The following EPHA3 variants were observed in gnomAD, a reference collection of about 807,000 sequenced individuals.
EPHA3 encodes ephrin type-A receptor 3.
In EPHA3, 42 loss-of-function variants were observed where a neutral mutation model predicts 107.1. The observed-to-expected ratio is 0.39, with a 90% CI of 0.31 to 0.51. The LOEUF (loss-of-function observed/expected upper bound fraction) is 0.51, where lower values mean the gene tolerates loss of function less well. Ranked by LOEUF, EPHA3 falls within the 20% of genes least tolerant of loss-of-function variation. The pLI is 0.78. For missense variants in EPHA3, 1,183 were observed against 1,211.2 expected, an observed-to-expected ratio of 0.98 and a Z score of 0.35; for synonymous variants, 461 against 424.8, an observed-to-expected ratio of 1.09 and a Z score of -1.05.
chr3:89,241,650 C>T (rs1196440501), intron 3 of EPHA3, among the ~76,000 whole-genome samples: 1 of 151,932 alleles, frequency 6.6e-6, no homozygotes, highest in Non-Finnish European at 1.5e-5. Context: ...TTATTTTCTC[C>T]ATTTTAAAAA....
chr3:89,305,118 T>A lies in EPHA3; in HGVS notation c.815-35798T>A, dbSNP rs1474535516. 2.0e-5 allele frequency among the ~76,000 whole-genome samples: 3 copies of A among 152,212 alleles called. No individual in the cohort carries two copies. In the East Asian group the frequency reaches 5.8e-4, roughly 29 times the overall value. Reference sequence around the variant, plus strand: ...CCTGCATTCGGAATTGTTCCTATTGTTAAGGAATTCTCCATAGATACTTGC... The same window carrying A: ...CCTGCATTCGGAATTGTTCCTATTGATAAGGAATTCTCCATAGATACTTGC... On this transcript the variant is annotated intron_variant, in intron 3 of 16. Transcript: ENST00000336596.
chr3:89,345,585 T>A (rs1042995166), intron 5 of EPHA3, among the ~76,000 whole-genome samples: 4 of 150,324 alleles, frequency 2.7e-5, no homozygotes, highest in Non-Finnish European at 4.5e-5. Flanking sequence ...CTTTTCCTCC[T>A]GAACACTTCA....
chr3:89,467,044 T>A (rs576695025), intron 15 of EPHA3, among the ~76,000 whole-genome samples: 2 of 152,298 alleles, frequency 1.3e-5, no homozygotes, highest in South Asian at 2.1e-4. Flanking sequence ...GGGAACTGTA[T>A]ATATTCAAAA....
chr3:89,292,805 T>A (rs925926069), intron 3 of EPHA3, among the ~76,000 whole-genome samples: 1 of 152,180 alleles, frequency 6.6e-6, no homozygotes, highest in African/African-American at 2.4e-5. Context: ...TTGATTTGTG[T>A]ACATATTTAT....
intron 3 of EPHA3, among the ~76,000 whole-genome samples, chr3:89,296,530 A>T (rs895242844): frequency 6.6e-6 from 1 of 152,156 alleles, no homozygotes; most frequent in Non-Finnish European, 1.5e-5. Flanking sequence ...TAAGTAACCC[A>T]TGCTGTAAAC....
chr3:89,178,563 A>G (rs1260078626), intron 2 of EPHA3, among the ~76,000 whole-genome samples: 1 of 152,070 alleles, frequency 6.6e-6, no homozygotes, highest in Non-Finnish European at 1.5e-5. Context: ...TACTGTAGAT[A>G]GTACACTATC....
At chr3:89,161,819 G>T (rs1281164985) in intron 2 of EPHA3, among the ~76,000 whole-genome samples, 1 of 151,628 alleles carries the variant, frequency 6.6e-6, no homozygotes, top group African/African-American at 2.4e-5. Context: ...TCTATGAAAA[G>T]ATATAAAACA....
chr3:89,324,543 T>G (rs1707122407), intron 3 of EPHA3, among the ~76,000 whole-genome samples: 1 of 151,976 alleles, frequency 6.6e-6, no homozygotes, highest in African/African-American at 2.4e-5. Flanking sequence ...TATCCAGATT[T>G]ATTTTTTCTA....
intron 16 of EPHA3, among the ~76,000 whole-genome samples, chr3:89,474,375 C>T (rs1006570014): frequency 3.3e-5 from 5 of 152,132 alleles, no homozygotes; most frequent in African/African-American, 9.7e-5. Context: ...ACTTGGGTTT[C>T]TGTGGTACTT....
intron 15 of EPHA3, among the ~76,000 whole-genome samples, chr3:89,459,491 C>CTCCTTCCTTCTCTCCTTCCTTCCTTCCT (rs1710173773): frequency 8.7e-5 from 11 of 126,380 alleles, no homozygotes; most frequent in African/African-American, 3.5e-4. Context: ...CCTTCCTTCT[C>CTCCTTCCTTCTCTCCTTCCTTCCTTCCT]TCCTTCCTTC....
intron 3 of EPHA3, among the ~76,000 whole-genome samples, chr3:89,272,765 G>A (rs983837697): frequency 3.3e-5 from 5 of 151,924 alleles, no homozygotes; most frequent in Admixed American, 1.3e-4. Flanking sequence ...ATGTTTAAAA[G>A]TAACTATGGA....
chr3:89,455,152 A>C (rs977205972), intron 15 of EPHA3, among the ~76,000 whole-genome samples: 9 of 152,292 alleles, frequency 5.9e-5, no homozygotes, highest in Admixed American at 4.6e-4. Flanking sequence ...TTTTAAAATA[A>C]ATGGTGTTTT....
In EPHA3 at chr3:89,346,336, A is replaced by T. The variant is rs368709150; in HGVS notation, c.1306+4246A>T. Among the ~76,000 whole-genome samples the T allele has an allele frequency of 6.0e-5, 8 of 133,162 alleles. 1 individual carries two copies. Among genetic ancestry groups the T allele is most frequent in the East Asian group, 2.0e-4 (1 of 4,952 alleles). 87.4% of individuals were successfully genotyped at this position (133,162 alleles called of 152,430 possible). On this transcript the variant is annotated intron_variant, in intron 5 of 16. Coordinates refer to ENST00000336596, the MANE Select transcript of EPHA3 (RefSeq NM_005233.6). The stretch of plus-strand genomic sequence containing the variant: ...TAACTGGTGTGAGATGGTATCTCAT[A>T]GTGGTTTTGATTTGCATTTCTCTGA...
At chr3:89,282,010 A>G (rs926586602) in intron 3 of EPHA3, among the ~76,000 whole-genome samples, 1 of 152,222 alleles carries the variant, frequency 6.6e-6, no homozygotes, top group African/African-American at 2.4e-5. Context: ...GATGCAGATT[A>G]TGTCAATTAT....
intron 2 of EPHA3, among the ~76,000 whole-genome samples, chr3:89,128,305 CT>C (rs1704134677): frequency 1.3e-5 from 2 of 152,110 alleles, no homozygotes; most frequent in Admixed American, 1.3e-4. Flanking sequence ...CACACCTTGA[CT>C]TTGACAATAT....
chr3:89,457,475 T>C (rs1172157206), intron 15 of EPHA3, among the ~76,000 whole-genome samples: 3 of 152,066 alleles, frequency 2.0e-5, no homozygotes, highest in Admixed American at 6.5e-5. Context: ...GGAGTCTAGG[T>C]TATGCGCTCC....
At chr3:89,180,851 A>G (rs946068202) in intron 2 of EPHA3, among the ~76,000 whole-genome samples, 2 of 151,990 alleles carry the variant, frequency 1.3e-5, no homozygotes, top group African/African-American at 4.8e-5. Flanking sequence ...TGGCAAGTTT[A>G]GTTTGTGTAA....
intron 1 of EPHA3, among the ~76,000 whole-genome samples, chr3:89,124,243 T>C (rs1704040199): frequency 6.6e-6 from 1 of 152,282 alleles, no homozygotes; most frequent in East Asian, 1.9e-4. Context: ...CCTGTATCAG[T>C]GTGAGATTTA....
intron 8 of EPHA3, 62 bp from the exon 9 acceptor site, chr3:89,408,005 G>A (rs1456928806): frequency 2.1e-6 from 3 of 1,457,408 alleles, no homozygotes; most frequent in Admixed American, 3.7e-5. Flanking sequence ...CACATTCTGA[G>A]CATAGGTAAC....
Sources: gnomAD v4.1 joint callset for allele counts (sites outside exome capture counted in the v4.1 genomes callset) on GRCh38, gnomAD v4.1.1 for gene constraint, MANE v1.5 for transcripts, NCBI Gene and HGNC (gene_info 2026-07-23, HGNC 2026-07-21) for gene names.